Variants in FGF14 observed in about 807,000 individuals in gnomAD.
The protein encoded by FGF14 is fibroblast growth factor homologous factor 4.
In FGF14, 5 loss-of-function variants were observed where a neutral mutation model predicts 25.5. The ratio of observed to expected loss-of-function variants is 0.20; its 90% confidence interval spans 0.10 to 0.41. The LOEUF (loss-of-function observed/expected upper bound fraction) is 0.41, where lower values mean the gene tolerates loss of function less well. Among genes scored for constraint, FGF14 ranks in the 10% least tolerant of loss-of-function variants. The pLI is 1.00. For missense variants in FGF14, 222 were observed against 320.1 expected (o/e 0.69, Z 2.34); for synonymous variants, 138 against 118.3 (o/e 1.17, Z -1.08).
At position 101,751,342 on chromosome 13, in the gene FGF14, T is replaced by C. The variant is rs534411164; in HGVS notation, c.409-24532A>G. 2.3e-4 allele frequency among the ~76,000 whole-genome samples: 35 copies of C among 152,274 alleles called. No individual in the cohort carries two copies. In the South Asian group the frequency reaches 7.1e-3, roughly 31 times the overall value. ...GGAACGCTCTACTTACTGCTCAATT[T>C]ATCTGTAAAGCTAAAACTGCTTTTA... On this transcript the variant is annotated intron_variant, in intron 3 of 4. Transcript: ENST00000376143.
At chr13:101,872,869 C>T (rs924172331) in intron 2 of FGF14, among the ~76,000 whole-genome samples, 3 of 151,818 alleles carry the variant, frequency 2.0e-5, no homozygotes, top group African/African-American at 7.3e-5. Flanking sequence ...GAATTTGAGC[C>T]CCTCGAGTGT....
intron 1 of FGF14, among the ~76,000 whole-genome samples, chr13:102,024,324 T>G (rs994247046): frequency 6.6e-6 from 1 of 152,024 alleles, no homozygotes; most frequent in African/African-American, 2.4e-5. Context: ...ATCCTAGGAG[T>G]GGGAAGAGGT....
intron 1 of FGF14, chr13:102,393,681 T>C (rs2058490736): frequency 6.6e-6 from 1 of 152,246 alleles, no homozygotes; most frequent in South Asian, 2.1e-4. Flanking sequence ...CACACAATTC[T>C]ATGAAGCGCA....
At chr13:102,069,948 A>T (rs2140145251) in intron 1 of FGF14, among the ~76,000 whole-genome samples, 1 of 152,304 alleles carries the variant, frequency 6.6e-6, no homozygotes. Context: ...ACATTGGGGA[A>T]ATTCTCCAGG....
chr13:101,909,786 C>T (rs573938829), intron 1 of FGF14, among the ~76,000 whole-genome samples: 125 of 152,228 alleles, frequency 8.2e-4, no homozygotes, highest in African/African-American at 2.1e-3. Context: ...TAAAGACACA[C>T]GCACACATAT....
chr13:101,903,472 G>T (rs879341598), intron 1 of FGF14, among the ~76,000 whole-genome samples: 4 of 152,098 alleles, frequency 2.6e-5, no homozygotes, highest in Non-Finnish European at 5.9e-5. Flanking sequence ...AAATAAAAGT[G>T]TCTGGAAGAA....
upstream of FGF14, among the ~76,000 whole-genome samples, chr13:101,921,881 T>TA (rs2034030077): frequency 6.6e-6 from 1 of 152,218 alleles, no homozygotes. Flanking sequence ...TATTTAAAAT[T>TA]ACAACTCATA....
Position 102,097,869 on chromosome 13 carries a change from G to A in FGF14, c.209-222573C>T, listed in dbSNP as rs1020193423. Among the ~76,000 whole-genome samples, 10 of 152,294 alleles carry A rather than the reference G, an allele frequency of 6.6e-5. No homozygotes were observed. In the South Asian group the frequency reaches 1.2e-3, roughly 19 times the overall value. The stretch of plus-strand genomic sequence containing the variant: ...TGTGTAAAGCTCCCTGCTGATATCT[G>A]TGAGAGCACATGGGTGTCAAAACCA... On this transcript the variant is annotated intron_variant, in intron 1 of 4. Transcript: ENST00000376131.
chr13:102,372,895 A>G (rs539241376), intron 1 of FGF14, among the ~76,000 whole-genome samples: 16 of 152,260 alleles, frequency 1.1e-4, no homozygotes, highest in East Asian at 3.9e-4. Flanking sequence ...ACATTCCTAC[A>G]AGATATATGG....
At chr13:101,848,836 T>C (rs974207613) in intron 3 of FGF14, among the ~76,000 whole-genome samples, 1 of 151,938 alleles carries the variant, frequency 6.6e-6, no homozygotes, top group Admixed American at 6.6e-5. Flanking sequence ...AGTTTGAAGA[T>C]ATATAAAAAT....
At chr13:101,911,665 T>C (rs371736072) in intron 1 of FGF14, among the ~76,000 whole-genome samples, 11 of 152,224 alleles carry the variant, frequency 7.2e-5, no homozygotes, top group South Asian at 4.2e-4. Flanking sequence ...TGCTTAGAAA[T>C]TGCATTTATA....
At chr13:101,784,325 T>C (rs1594235169) in intron 3 of FGF14, among the ~76,000 whole-genome samples, 2 of 152,204 alleles carry the variant, frequency 1.3e-5, no homozygotes, top group Non-Finnish European at 2.9e-5. Flanking sequence ...CTTTTAAATA[T>C]GCCCTACTCA....
At chr13:102,321,705 C>A (rs2138761405) in intron 1 of FGF14, among the ~76,000 whole-genome samples, 1 of 152,096 alleles carries the variant, frequency 6.6e-6, no homozygotes, top group Non-Finnish European at 1.5e-5. Context: ...TAGGGCATAC[C>A]AAATACAACA....
At chr13:101,906,106 CA>C (rs1229450959) in intron 1 of FGF14, among the ~76,000 whole-genome samples, 1 of 152,138 alleles carries the variant, frequency 6.6e-6, no homozygotes, top group Non-Finnish European at 1.5e-5. Flanking sequence ...TAGATTTGTA[CA>C]ATATCCTTAT....
chr13:101,748,487 G>A (rs1400775770), intron 3 of FGF14, among the ~76,000 whole-genome samples: 1 of 151,360 alleles, frequency 6.6e-6, no homozygotes, highest in Non-Finnish European at 1.5e-5. Flanking sequence ...TTGAAAGGGG[G>A]TGAGGATAGG....
Position 102,205,252 on chromosome 13 carries a change from T to C in FGF14, c.208+196219A>G, listed in dbSNP as rs148983556. On this transcript the variant is annotated intron_variant, in intron 1 of 4. Coordinates refer to the FGF14 transcript ENST00000376131. ...ACTTCTATGAGCTTTGGTTTTTCCA[T>C]TTATAAAATGGAGAATATTTCTAAT... 1.4e-4 allele frequency among the ~76,000 whole-genome samples: 21 copies of C among 152,276 alleles called. No homozygotes were observed. The East Asian group carries it at 4.1e-3, about 29-fold the overall frequency.
At chr13:101,951,527 T>C (rs1490915095) in intron 1 of FGF14, among the ~76,000 whole-genome samples, 1 of 152,156 alleles carries the variant, frequency 6.6e-6, no homozygotes, top group Non-Finnish European at 1.5e-5. Context: ...AGGAACATGG[T>C]AAAAGAATTA....
intron 1 of FGF14, among the ~76,000 whole-genome samples, chr13:102,211,660 G>C (rs1320678689): frequency 1.3e-5 from 2 of 152,152 alleles, no homozygotes; most frequent in Non-Finnish European, 2.9e-5. Context: ...AGAAAGGGCT[G>C]GCTCTCAAAC....
intron 1 of FGF14, among the ~76,000 whole-genome samples, chr13:102,008,416 T>C (rs2039915221): frequency 6.6e-6 from 1 of 152,226 alleles, no homozygotes; most frequent in Admixed American, 6.5e-5. Context: ...AACAGTGCTA[T>C]TCTGCACTTC....
Sources: allele counts gnomAD v4.1 joint callset (sites outside exome capture counted in the v4.1 genomes callset), GRCh38; gene constraint gnomAD v4.1.1; transcripts MANE v1.5; gene names NCBI Gene and HGNC (gene_info 2026-07-23, HGNC 2026-07-21).